SCNN1B: variants seen among roughly 807,000 people sequenced by gnomAD.
The protein encoded by SCNN1B is sodium channel epithelial 1 subunit beta, also known as epithelial sodium channel subunit beta.
In SCNN1B, 46 loss-of-function variants were observed where a neutral mutation model predicts 65.3. That is an observed-to-expected ratio of 0.70 (90% CI 0.56 to 0.90). The LOEUF (loss-of-function observed/expected upper bound fraction) is 0.90. Ranked by LOEUF, SCNN1B falls within the 40% of genes least tolerant of loss-of-function variation. SCNN1B has a pLI of 0.00. For missense variants in SCNN1B, 751 were observed against 830.5 expected (o/e 0.90, Z 1.18); for synonymous variants, 349 against 330.6 (o/e 1.06, Z -0.60).
At position 23,380,320 on chromosome 16, in the gene SCNN1B, C is replaced by G. The variant is rs1347389695; in HGVS notation, c.1543-101C>G. The G allele has an allele frequency of 1.9e-5, 30 of 1,587,652 alleles. No individual in the cohort carries two copies. Among genetic ancestry groups the G allele is most frequent in the Admixed American group, 6.7e-5 (4 of 59,482 alleles). ...TCCCCTGGGCCAAGATGGTCACCCC[C>G]TCCCGTTCCCACCCAAGAATCACCT... On this transcript the variant is annotated intron_variant, in intron 12 of 12. Transcript: ENST00000343070. This position sits in a 1 kb window ranked among gnomAD's most constrained non-coding sequence, Gnocchi z 5.4.
intron 4 of SCNN1B, 126 bp from the exon 5 acceptor site, chr16:23,367,730 T>C (rs1238957601): frequency 2.5e-6 from 2 of 785,044 alleles, no homozygotes; most frequent in Non-Finnish European, 4.5e-6. Context: ...ATGGACAGAA[T>C]GACCTGTTGC....
chr16:23,281,315 C>T (rs1434411045), intron 1 of SCNN1B, among the ~76,000 whole-genome samples: 3 of 152,130 alleles, frequency 2.0e-5, no homozygotes, highest in African/African-American at 7.2e-5. Flanking sequence ...CACCTGTAAT[C>T]CCAGCTATTC....
At chr16:23,358,877 C>T (rs191916692) in intron 4 of SCNN1B, among the ~76,000 whole-genome samples, 22 of 152,320 alleles carry the variant, frequency 1.4e-4, no homozygotes, top group South Asian at 4.1e-4. Flanking sequence ...ACTGCACTCC[C>T]GCCTGGGCGA....
At chr16:23,325,220 T>A (rs1041455774) in intron 1 of SCNN1B, among the ~76,000 whole-genome samples, 5 of 152,148 alleles carry the variant, frequency 3.3e-5, no homozygotes, top group Non-Finnish European at 5.9e-5. Context: ...ATTTTTCTAG[T>A]TGATTGAACG....
At chr16:23,321,546 C>G (rs779728641) in intron 1 of SCNN1B, among the ~76,000 whole-genome samples, 31 of 152,242 alleles carry the variant, frequency 2.0e-4, no homozygotes, top group Middle Eastern at 3.4e-3. Flanking sequence ...CTTGGACAGG[C>G]CTTCAGGCAA....
At chr16:23,282,143 G>A (rs912439359) in intron 1 of SCNN1B, among the ~76,000 whole-genome samples, 1 of 152,044 alleles carries the variant, frequency 6.6e-6, no homozygotes, top group Non-Finnish European at 1.5e-5. Flanking sequence ...TGGGTGATGG[G>A]TACATTAAAA....
intron 1 of SCNN1B, among the ~76,000 whole-genome samples, chr16:23,282,869 A>G (rs1026831119): frequency 3.9e-5 from 6 of 152,342 alleles, no homozygotes; most frequent in Admixed American, 3.3e-4. Flanking sequence ...TTCTGGGCAC[A>G]CTGCCTATGA....
chr16:23,377,495 C>A, intron 10 of SCNN1B, 109 bp downstream of exon 10: 1 of 911,852 alleles, frequency 1.1e-6, no homozygotes. Flanking sequence ...TTTTCCCTCC[C>A]TCCTTCCTTC....
At position 23,375,725 on chromosome 16, in the gene SCNN1B, C is replaced by T. The variant is rs759967529; in HGVS notation, c.1153-13C>T. The T allele has an allele frequency of 6.3e-7, 1 of 1,589,460 alleles. No homozygotes were observed. Among genetic ancestry groups the T allele is most frequent in the Non-Finnish European group, 8.6e-7 (1 of 1,157,550 alleles). The stretch of plus-strand genomic sequence containing the variant: ...CCTGTGTTCTCTCCTTATGAACCCC[C>T]TACCCTCCCCAGGCCTGTCTTCGCT... On this transcript the variant is annotated splice_polypyrimidine_tract_variant and intron_variant, in intron 7 of 12. Coordinates refer to ENST00000343070, the MANE Select transcript of SCNN1B (RefSeq NM_000336.3).
intron 1 of SCNN1B, among the ~76,000 whole-genome samples, chr16:23,347,725 C>T (rs1057228418): frequency 2.0e-5 from 3 of 151,968 alleles, no homozygotes; most frequent in Non-Finnish European, 4.4e-5. Flanking sequence ...CTGGGCAACA[C>T]GGTGAAACCC....
At chr16:23,303,050 T>C (rs989491301) in intron 1 of SCNN1B, among the ~76,000 whole-genome samples, 1 of 152,114 alleles carries the variant, frequency 6.6e-6, no homozygotes, top group Non-Finnish European at 1.5e-5. Flanking sequence ...TGGGGTGATG[T>C]GGTGGAGGAG....
chr16:23,283,439 C>T (rs1428598886), intron 1 of SCNN1B, among the ~76,000 whole-genome samples: 1 of 152,140 alleles, frequency 6.6e-6, no homozygotes, highest in Non-Finnish European at 1.5e-5. Flanking sequence ...TTACTTTAGC[C>T]TACAATTGGG....
chr16:23,335,957 G>A (rs185103112), intron 1 of SCNN1B, among the ~76,000 whole-genome samples: 1 of 152,258 alleles, frequency 6.6e-6, no homozygotes, highest in Admixed American at 6.5e-5. Context: ...ACCCCTAGAT[G>A]TCAGGGAACC....
intron 4 of SCNN1B, among the ~76,000 whole-genome samples, chr16:23,359,675 A>G (rs923536060): frequency 1.3e-5 from 2 of 152,096 alleles, no homozygotes; most frequent in Non-Finnish European, 2.9e-5. Flanking sequence ...CAGCTGCAGA[A>G]TTAGGAAAAT....
intron 4 of SCNN1B, among the ~76,000 whole-genome samples, chr16:23,367,318 G>T (rs1962689403): frequency 6.6e-6 from 1 of 152,050 alleles, no homozygotes; most frequent in East Asian, 1.9e-4. Flanking sequence ...TTGTTTTAGA[G>T]ACAGGGTCTC....
At chr16:23,375,674 C>A in intron 7 of SCNN1B, 64 bp from the exon 8 acceptor site, 3 of 1,165,742 alleles carry the variant, frequency 2.6e-6, no homozygotes, top group Non-Finnish European at 3.9e-6. Flanking sequence ...ACCCCTGGTG[C>A]TGGAATGGGG....
intron 1 of SCNN1B, among the ~76,000 whole-genome samples, chr16:23,318,355 TCC>T (rs1961515882): frequency 6.6e-6 from 1 of 152,146 alleles, no homozygotes. Flanking sequence ...ATGCCTGTAA[TCC>T]TAGCACTTTG....
chr16:23,342,770 A>G (rs1169121220), intron 1 of SCNN1B, among the ~76,000 whole-genome samples: 1 of 152,192 alleles, frequency 6.6e-6, no homozygotes. Flanking sequence ...GCAGGATGGA[A>G]AAGCTTGATT....
At chr16:23,371,924 C>A in intron 7 of SCNN1B, 41 bp downstream of exon 7, 1 of 1,436,214 alleles carries the variant, frequency 7.0e-7, no homozygotes, top group Non-Finnish European at 9.8e-7. Context: ...GGGCCCCTGT[C>A]CGGGTTTATG....
Sources: gnomAD v4.1 joint callset for allele counts (sites outside exome capture counted in the v4.1 genomes callset) on GRCh38, gnomAD v4.1.1 for gene constraint, Gnocchi (gnomAD v3.1) non-coding constraint, MANE v1.5 for transcripts, NCBI Gene and HGNC (gene_info 2026-07-23, HGNC 2026-07-21) for gene names.